Variants in NPFFR2 observed in about 807,000 individuals in gnomAD.
NPFFR2 encodes G-protein coupled receptor 74.
NPFFR2 carries 15 observed loss-of-function variants against 13.1 expected under a neutral mutation model. The ratio of observed to expected loss-of-function variants is 1.15; its 90% CI spans 0.77 to 1.76. The LOEUF is 1.76. Among genes scored for constraint, NPFFR2 ranks in the 40% most tolerant of loss-of-function variants. NPFFR2 has a pLI of 0.00. For synonymous variants in NPFFR2, 190 were observed against 175.7 expected, an observed-to-expected ratio of 1.08 and a Z score of -0.65; for missense variants, 572 against 503.5, an observed-to-expected ratio of 1.14 and a Z score of -1.30.
At chr4:72,068,668 A>G (rs1720148275) in intron 1 of NPFFR2, among the ~76,000 whole-genome samples, 1 of 152,200 alleles carries the variant, frequency 6.6e-6, no homozygotes, top group Non-Finnish European at 1.5e-5. Context: ...GAATTAATGA[A>G]TGAATAAATG....
In NPFFR2 at chr4:72,128,904, G is replaced by A; in HGVS notation, c.313G>A (p.Asp105Asn). The A allele has an allele frequency of 1.2e-6, 2 of 1,609,546 alleles. No homozygotes were observed. Among genetic ancestry groups the A allele is most frequent in the Non-Finnish European group, 1.7e-6 (2 of 1,176,340 alleles). Reference protein sequence around the residue: ...GIFCMPITLLDNIIAGWPFGN... With the variant: ...GIFCMPITLLNNIIAGWPFGN... ...ATTCTGCATGCCTATAACACTGCTG[G>A]ACAATATTATAGCAGGTATGTTGGC... is the stretch of plus-strand genomic sequence containing the variant. Residue 105 changes from aspartate to asparagine, a missense_variant, in exon 2 of 4, where the codon GAC becomes AAC. Coordinates refer to ENST00000308744, the MANE Select transcript of NPFFR2 (RefSeq NM_004885.3).
chr4:72,089,304 T>C (rs918024153), intron 1 of NPFFR2, among the ~76,000 whole-genome samples: 5 of 152,092 alleles, frequency 3.3e-5, no homozygotes, highest in African/African-American at 9.7e-5. Context: ...GTGTATCTTT[T>C]CCATATAATG....
intron 1 of NPFFR2, among the ~76,000 whole-genome samples, chr4:72,045,969 A>G (rs1328586775): frequency 1.3e-5 from 2 of 152,200 alleles, no homozygotes; most frequent in Non-Finnish European, 2.9e-5. Context: ...CTATATATGC[A>G]TAAGGAGATA....
At chr4:72,068,269 TG>T (rs1720133281) in intron 1 of NPFFR2, among the ~76,000 whole-genome samples, 1 of 152,214 alleles carries the variant, frequency 6.6e-6, no homozygotes, top group Admixed American at 6.5e-5. Flanking sequence ...AGTTGTCTGG[TG>T]AGGGCTGTTC....
chr4:72,053,116 G>A (rs4235101), intron 1 of NPFFR2, among the ~76,000 whole-genome samples: 135,300 of 151,746 alleles, frequency 0.89, 61,416 homozygotes, highest in Non-Finnish European at 0.98. Flanking sequence ...GGGCTGTGTC[G>A]TTGGCAATGG....
At chr4:72,093,150 A>G (rs1223705069) in intron 1 of NPFFR2, among the ~76,000 whole-genome samples, 1 of 152,172 alleles carries the variant, frequency 6.6e-6, no homozygotes, top group Admixed American at 6.5e-5. Flanking sequence ...GGGGGCTAAA[A>G]ATAGGACCCC....
At chr4:72,098,428 A>G (rs1313059199) in intron 1 of NPFFR2, among the ~76,000 whole-genome samples, 1 of 151,080 alleles carries the variant, frequency 6.6e-6, no homozygotes, top group Non-Finnish European at 1.5e-5. Context: ...ATATGACCCA[A>G]CACAAATTTG....
intron 1 of NPFFR2, among the ~76,000 whole-genome samples, chr4:72,127,360 C>CT (rs1186710740): frequency 0.024 from 1,612 of 66,904 alleles, 195 homozygotes; most frequent in Non-Finnish European, 0.038. Flanking sequence ...AATTTCTTTT[C>CT]TTTTTTTTTT....
At chr4:72,129,001 C>G (rs1008353184) in intron 2 of NPFFR2, 82 bp downstream of exon 2, 1 of 1,068,308 alleles carries the variant, frequency 9.4e-7, no homozygotes, top group Non-Finnish European at 1.4e-6. Flanking sequence ...GCTGTTCATT[C>G]ATTCATTTAT....
intron 3 of NPFFR2, among the ~76,000 whole-genome samples, chr4:72,138,869 C>G (rs1247182364): frequency 6.6e-6 from 1 of 152,110 alleles, no homozygotes; most frequent in Non-Finnish European, 1.5e-5. Flanking sequence ...CTAGTTTACA[C>G]TCCTACCAAC....
At chr4:72,111,902 G>A (rs980758081) in intron 1 of NPFFR2, among the ~76,000 whole-genome samples, 5 of 151,992 alleles carry the variant, frequency 3.3e-5, no homozygotes, top group African/African-American at 9.7e-5. Flanking sequence ...TTTCAGCTTT[G>A]GGTCTTTCAT....
At chr4:72,073,902 T>C (rs920285793) in intron 1 of NPFFR2, among the ~76,000 whole-genome samples, 1 of 151,182 alleles carries the variant, frequency 6.6e-6, no homozygotes, top group African/African-American at 2.4e-5. Context: ...GAGAAAGGAA[T>C]AGAAATATTT....
chr4:72,106,772 T>G (rs984566653), intron 1 of NPFFR2, among the ~76,000 whole-genome samples: 3 of 152,006 alleles, frequency 2.0e-5, no homozygotes, highest in African/African-American at 7.2e-5. Flanking sequence ...TACATTTTAT[T>G]TATTATTAGG....
intron 1 of NPFFR2, among the ~76,000 whole-genome samples, chr4:72,054,442 C>A (rs756663984): frequency 5.9e-5 from 9 of 151,748 alleles, no homozygotes; most frequent in African/African-American, 1.2e-4. Flanking sequence ...AAAAAATTAA[C>A]CTTAACTCTT....
chr4:72,144,944 A>G (rs1205015084), intron 3 of NPFFR2, among the ~76,000 whole-genome samples: 2 of 152,132 alleles, frequency 1.3e-5, no homozygotes, highest in African/African-American at 2.4e-5. Context: ...CCAACCTCCA[A>G]TTTATTTTCT....
intron 1 of NPFFR2, among the ~76,000 whole-genome samples, chr4:72,040,398 C>T (rs979825672): frequency 4.6e-5 from 7 of 152,212 alleles, no homozygotes; most frequent in African/African-American, 1.4e-4. Context: ...TCTTCCCCTT[C>T]GAATTGAAAA....
intron 1 of NPFFR2, among the ~76,000 whole-genome samples, chr4:72,110,742 G>T (rs773051056): frequency 1.3e-5 from 2 of 152,070 alleles, no homozygotes; most frequent in Non-Finnish European, 1.5e-5. Flanking sequence ...TCTGCAGATA[G>T]CTCTAGTCTG....
At chr4:72,142,479 G>C (rs1323425324) in intron 3 of NPFFR2, among the ~76,000 whole-genome samples, 1 of 152,064 alleles carries the variant, frequency 6.6e-6, no homozygotes, top group African/African-American at 2.4e-5. Context: ...AGGTACCTCA[G>C]GTGGAAATGC....
Position 72,147,664 on chromosome 4 carries a change from T to G in NPFFR2, c.1115T>G (p.Leu372Arg). Residue 372 changes from leucine (L) to arginine (R), a missense_variant, in exon 4 of 4, where the codon CTC becomes CGC. Physicochemically the swap from Leu to Arg is moderately radical, Grantham distance 102. Coordinates refer to ENST00000308744, the MANE Select transcript of NPFFR2 (RefSeq NM_004885.3). ...AYALKAKSHV[L>R]INTSNQLVQE... ...GCCCTAAAAGCTAAAAGCCATGTGC[T>G]CATAAACACATCTAATCAGCTTGTC... 1 of 1,614,128 alleles carries G rather than the reference T, an allele frequency of 6.2e-7. No homozygotes were observed. The highest frequency in any genetic ancestry group is 8.5e-7 in the Non-Finnish European group (1 of 1,180,020).
Sources: gnomAD v4.1 joint callset for allele counts (sites outside exome capture counted in the v4.1 genomes callset) on GRCh38, gnomAD v4.1.1 for gene constraint, MANE v1.5 for transcripts, NCBI Gene and HGNC (gene_info 2026-07-23, HGNC 2026-07-21) for gene names.